Variants in TNR observed in about 807,000 individuals in gnomAD.
TNR encodes the protein tenascin-R.
TNR carries 45 observed loss-of-function variants against 150.4 expected under a neutral mutation model. The ratio of observed to expected loss-of-function variants is 0.30; its 90% CI spans 0.24 to 0.38. The LOEUF (loss-of-function observed/expected upper bound fraction) is 0.38, where lower values mean the gene tolerates loss of function less well. Ranked by LOEUF, TNR falls within the 10% of genes least tolerant of loss-of-function variation. TNR has a pLI of 1.00. For synonymous variants in TNR, 687 were observed against 678.4 expected (o/e 1.01, Z -0.20); for missense variants, 1,544 against 1,759.1 (o/e 0.88, Z 2.19).
chr1:175,696,217 GTTTTT>G (rs5778870), intron 1 of TNR, among the ~76,000 whole-genome samples: 2 of 40,468 alleles, frequency 4.9e-5, no homozygotes, highest in Admixed American at 3.2e-4. Context: ...CCTTCCTGTA[GTTTTT>G]TTTTTTTTTT....
intron 17 of TNR, 50 bp from the exon 18 acceptor site, chr1:175,354,573 A>C (rs1651229155): frequency 6.2e-7 from 1 of 1,612,002 alleles, no homozygotes; most frequent in Non-Finnish European, 8.5e-7. Context: ...ACTGGCTTGC[A>C]ATTTGGGAAA....
chr1:175,329,579 G>A (rs980298187), intron 21 of TNR, among the ~76,000 whole-genome samples: 2 of 152,148 alleles, frequency 1.3e-5, no homozygotes, highest in Non-Finnish European at 2.9e-5. Context: ...GGGGTGTTAG[G>A]GGCATCTCAG....
chr1:175,711,146 GACT>G (rs1667002411), intron 1 of TNR, among the ~76,000 whole-genome samples: 1 of 152,164 alleles, frequency 6.6e-6, no homozygotes, highest in Non-Finnish European at 1.5e-5. Flanking sequence ...GAAATAAGTA[GACT>G]ATATACTATG....
chr1:175,567,289 A>G (rs1365196913), intron 1 of TNR, among the ~76,000 whole-genome samples: 1 of 152,204 alleles, frequency 6.6e-6, no homozygotes, highest in Non-Finnish European at 1.5e-5. Flanking sequence ...ATGTCGAGGC[A>G]TTTCCACTGG....
intron 9 of TNR, among the ~76,000 whole-genome samples, chr1:175,369,112 T>C (rs894625607): frequency 6.6e-6 from 1 of 152,152 alleles, no homozygotes; most frequent in African/African-American, 2.4e-5. Flanking sequence ...GTATTCTGTA[T>C]TTATATAACA....
intron 6 of TNR, among the ~76,000 whole-genome samples, chr1:175,393,484 G>A (rs1333075330): frequency 6.6e-6 from 1 of 152,144 alleles, no homozygotes; most frequent in Admixed American, 6.5e-5. Flanking sequence ...CCAAAACTAT[G>A]GCTCATCAGA....
At chr1:175,510,433 C>T (rs1415168170) in intron 2 of TNR, among the ~76,000 whole-genome samples, 1 of 152,002 alleles carries the variant, frequency 6.6e-6, no homozygotes, top group Non-Finnish European at 1.5e-5. Context: ...TACTTTTGAC[C>T]CTCACTCAGT....
intron 1 of TNR, among the ~76,000 whole-genome samples, chr1:175,648,604 G>C (rs140256242): frequency 6.6e-6 from 1 of 151,980 alleles, no homozygotes; most frequent in African/African-American, 2.4e-5. Flanking sequence ...AGTTCCTCCC[G>C]CCTGTCTTCT....
intron 1 of TNR, among the ~76,000 whole-genome samples, chr1:175,722,518 G>A (rs1390853262): frequency 6.6e-6 from 1 of 152,064 alleles, no homozygotes; most frequent in Non-Finnish European, 1.5e-5. Flanking sequence ...AGACTAGAGT[G>A]CAGTGGCACC....
At chr1:175,667,221 T>TC (rs1558063063) in intron 1 of TNR, among the ~76,000 whole-genome samples, 1 of 152,144 alleles carries the variant, frequency 6.6e-6, no homozygotes, top group Non-Finnish European at 1.5e-5. Context: ...CTCTGTGCTC[T>TC]CCCCACAAAA....
intron 2 of TNR, among the ~76,000 whole-genome samples, chr1:175,503,742 T>C (rs1281130028): frequency 1.3e-5 from 2 of 152,212 alleles, no homozygotes; most frequent in East Asian, 3.9e-4. Context: ...CTGAGCAATT[T>C]GCAGAGAGTA....
intron 10 of TNR, 30 bp downstream of exon 10, chr1:175,367,178 G>T: frequency 6.2e-7 from 1 of 1,607,276 alleles, no homozygotes; most frequent in Admixed American, 1.7e-5. Context: ...GGCTAACCTG[G>T]TCTTCTTCCT....
rs188003163 is a variant in TNR at position 175,326,886 on chromosome 1, T to C, written c.3794-2367A>G. Among the ~76,000 whole-genome samples the C allele has an allele frequency of 3.7e-3, 564 of 152,240 alleles. 1 individual carries two copies. The highest frequency in any genetic ancestry group is 0.013 in the African/African-American group (535 of 41,542). On this transcript the variant is annotated intron_variant, in intron 21 of 22. Transcript: ENST00000367674. ...TTTCACTGTGTTAGCCAGGATGGTC[T>C]CGATCTCCTGACCTCATGATCTGCC...
chr1:175,508,030 T>G (rs186340187), intron 2 of TNR, among the ~76,000 whole-genome samples: 27 of 152,288 alleles, frequency 1.8e-4, no homozygotes, highest in African/African-American at 5.3e-4. Flanking sequence ...AAACACCACA[T>G]GTTCTCACTT....
At chr1:175,631,995 A>G (rs971369653) in intron 1 of TNR, among the ~76,000 whole-genome samples, 11 of 152,224 alleles carry the variant, frequency 7.2e-5, no homozygotes, top group Non-Finnish European at 1.6e-4. Context: ...TTGACTAACT[A>G]GTACAATTTT....
At chr1:175,421,476 A>G (rs1483298768) in intron 2 of TNR, among the ~76,000 whole-genome samples, 3 of 152,202 alleles carry the variant, frequency 2.0e-5, no homozygotes, top group Non-Finnish European at 4.4e-5. Flanking sequence ...CTATTTCCTA[A>G]AAGAATGGTT....
chr1:175,630,953 AG>A (rs1419659136), intron 1 of TNR, among the ~76,000 whole-genome samples: 1 of 152,262 alleles, frequency 6.6e-6, no homozygotes, highest in African/African-American at 2.4e-5. Context: ...AGCAGGGGCA[AG>A]GAGATTCATT....
intron 1 of TNR, among the ~76,000 whole-genome samples, chr1:175,639,186 T>C (rs1034751571): frequency 1.3e-5 from 2 of 152,202 alleles, no homozygotes; most frequent in African/African-American, 4.8e-5. Context: ...TCAAGTCAGA[T>C]GACACCACTG....
At chr1:175,422,651 G>A (rs992297926) in intron 2 of TNR, among the ~76,000 whole-genome samples, 1 of 152,212 alleles carries the variant, frequency 6.6e-6, no homozygotes, top group Non-Finnish European at 1.5e-5. Flanking sequence ...CTCCAGGATT[G>A]TAGGTCTCCC....
Sources: gnomAD v4.1 joint callset for allele counts (sites outside exome capture counted in the v4.1 genomes callset) on GRCh38, gnomAD v4.1.1 for gene constraint, MANE v1.5 for transcripts, NCBI Gene and HGNC (gene_info 2026-07-23, HGNC 2026-07-21) for gene names.